FAM110A: variants seen among roughly 807,000 people sequenced by gnomAD.
FAM110A encodes the protein protein FAM110A.
Under a neutral mutation model 4.0 loss-of-function variants are expected in FAM110A, and 1 was observed. The ratio of observed to expected loss-of-function variants is 0.25; its 90% CI spans 0.09 to 1.20. The LOEUF (loss-of-function observed/expected upper bound fraction) is 1.20. Ranked by LOEUF, FAM110A falls within the 50% of genes most tolerant of loss-of-function variation. The pLI is 0.50. For missense variants in FAM110A, 436 were observed against 429.2 expected (o/e 1.02, Z -0.14); for synonymous variants, 217 against 196.8 (o/e 1.10, Z -0.86).
intron 1 of FAM110A, chr20:835,928 A>T (rs1234639499): frequency 6.6e-6 from 1 of 152,308 alleles, no homozygotes; most frequent in East Asian, 1.9e-4. Context: ...GAAGGGAAAG[A>T]AAGAAGCAGG....
In FAM110A at chr20:845,704, C is replaced by T; in HGVS notation, c.*12C>T. Reference sequence around the variant, plus strand: ...CAGCTGAAGGCTAGGCGCCACTGGGCCTGGAATTCGCCACAGGACGGATCT... The same window carrying T: ...CAGCTGAAGGCTAGGCGCCACTGGGTCTGGAATTCGCCACAGGACGGATCT... On this transcript the variant is annotated 3_prime_UTR_variant, in exon 2 of 2. Transcript: ENST00000381941. 6.2e-7 allele frequency: 1 copy of T among 1,613,726 alleles called. No homozygotes were observed. Among genetic ancestry groups the T allele is most frequent in the East Asian group, 2.2e-5 (1 of 44,870 alleles).
chr20:845,032 C>T lies in FAM110A; in HGVS notation c.228C>T (p.Leu76=). 1.3e-6 allele frequency: 2 copies of T among 1,594,916 alleles called. No individual in the cohort carries two copies. The highest frequency in any genetic ancestry group is 1.7e-6 in the Non-Finnish European group (2 of 1,171,560). The change falls in exon 2 of 2, where the codon CTC becomes CTT. Residue 76 remains leucine, a synonymous_variant. Coordinates refer to ENST00000381941, the MANE Select transcript of FAM110A (RefSeq NM_001042353.3). ...PVQPLLSKQP[L]FSPETRRTVL... is the part of the protein sequence containing the mutation. ...AGCCCCTGCTGTCCAAACAGCCGCTCTTTAGCCCTGAGACTCGCCGCACAG... is the reference window on the plus strand; with the variant it reads ...AGCCCCTGCTGTCCAAACAGCCGCTTTTTAGCCCTGAGACTCGCCGCACAG...
intron 1 of FAM110A, among the ~76,000 whole-genome samples, chr20:841,716 C>G (rs1019834915): frequency 3.9e-5 from 6 of 152,280 alleles, no homozygotes; most frequent in Admixed American, 3.3e-4. Flanking sequence ...TGGGGGCATC[C>G]GTGGGAGGCA....
rs1311219720 is a variant in FAM110A, at chr20:844,774, C to A, written c.-31C>A. Reference sequence around the variant, plus strand: ...TGGCTCCTCATCTCTCCGGTCTCCGCAGACTAAAGCCCTCGGGATATGCAG... The same window carrying A: ...TGGCTCCTCATCTCTCCGGTCTCCGAAGACTAAAGCCCTCGGGATATGCAG... On this transcript the variant is annotated 5_prime_UTR_variant, in exon 2 of 2. Coordinates refer to ENST00000381941, the MANE Select transcript of FAM110A (RefSeq NM_001042353.3). 3 of 1,415,746 alleles carry A rather than the reference C, an allele frequency of 2.1e-6. No individual in the cohort carries two copies. The highest frequency in any genetic ancestry group is 1.8e-6 in the Non-Finnish European group (2 of 1,089,924). The allele number at this position is 1,415,746 out of a possible 1,614,324, so 87.7% of individuals were successfully genotyped here.
At chr20:842,847 T>C (rs1231508031) in intron 1 of FAM110A, among the ~76,000 whole-genome samples, 1 of 152,172 alleles carries the variant, frequency 6.6e-6, no homozygotes, top group Non-Finnish European at 1.5e-5. Context: ...CCTAGATGTC[T>C]AGTTCATCCC....
chr20:845,555 C>T lies in FAM110A; in HGVS notation c.751C>T (p.Arg251Cys), dbSNP rs1294212465. 7 of 1,613,434 alleles carry T rather than the reference C, an allele frequency of 4.3e-6. No homozygotes were observed. The highest frequency in any genetic ancestry group is 1.6e-4 in the Middle Eastern group (1 of 6,082). ...PGSSEGGCSR[R>C]SSVTVEERAR... ...CAGCTCTGAAGGGGGCTGCTCCCGC[C>T]GCAGCTCGGTGACTGTTGAGGAGCG... Residue 251 changes from arginine (R) to cysteine (C), a missense_variant, in exon 2 of 2, where the codon CGC (arginine) becomes TGC (cysteine). Arg to Cys is a radical substitution (Grantham distance 180). Coordinates refer to ENST00000381941, the MANE Select transcript of FAM110A (RefSeq NM_001042353.3).
At chr20:844,027 TGGA>T (rs1980095874) in intron 1 of FAM110A, among the ~76,000 whole-genome samples, 1 of 151,950 alleles carries the variant, frequency 6.6e-6, no homozygotes, top group East Asian at 1.9e-4. Context: ...GGGGCGCGGG[TGGA>T]GATTTTCTTT....
intron 1 of FAM110A, among the ~76,000 whole-genome samples, chr20:844,474 T>C (rs928963679): frequency 7.2e-5 from 11 of 151,780 alleles, no homozygotes; most frequent in Non-Finnish European, 1.3e-4. Flanking sequence ...CTCTAGCACC[T>C]TTTTTCCTCT....
chr20:843,670 A>G lies in FAM110A; in HGVS notation c.-97-1038A>G, dbSNP rs534749609. On this transcript the variant is annotated intron_variant, in intron 1 of 1. Coordinates refer to ENST00000381941, the MANE Select transcript of FAM110A (RefSeq NM_001042353.3). ...TGGTATGTGGGTTTTCTTCTGTCCC[A>G]TCTCCAAGGGGCCTTGTGGGGTGAC... Among the ~76,000 whole-genome samples the G allele has an allele frequency of 5.3e-5, 8 of 152,206 alleles. No homozygotes were observed. The South Asian group carries it at 1.5e-3, about 28-fold the overall frequency.
In FAM110A at chr20:845,318, C is replaced by G; in HGVS notation, c.514C>G (p.Pro172Ala). 1.3e-6 allele frequency: 2 copies of G among 1,555,356 alleles called. No individual in the cohort carries two copies. The highest frequency in any genetic ancestry group is 1.7e-6 in the Non-Finnish European group (2 of 1,150,422). The change falls in exon 2 of 2, where the codon CCT becomes GCT. Residue 172 changes from proline to alanine, a missense_variant. Transcript: ENST00000381941. The part of the protein sequence containing the change: ...SPARPCPSPG[P>A]AAASSPARPP... ...TGCCCGGCCCTGCCCATCACCCGGC[C>G]CTGCCGCCGCCTCCAGCCCAGCCCG... is the stretch of plus-strand genomic sequence containing the variant.
intron 1 of FAM110A, among the ~76,000 whole-genome samples, chr20:841,569 A>C (rs1979917072): frequency 6.6e-6 from 1 of 151,590 alleles, no homozygotes; most frequent in Non-Finnish European, 1.5e-5. Flanking sequence ...ATTGAGGGAG[A>C]GCAAAAGCCA....
chr20:844,643 G>C (rs2122696610), intron 1 of FAM110A, 65 bp from the exon 2 acceptor site: 1 of 1,182,604 alleles, frequency 8.5e-7, no homozygotes, highest in Admixed American at 3.8e-5. Flanking sequence ...CCTCTCAGCC[G>C]CGGCTGAGCC....
chr20:841,331 C>G (rs6117928), intron 1 of FAM110A: 62,772 of 152,250 alleles, frequency 0.41, 14,043 homozygotes, highest in African/African-American at 0.6. Context: ...GTGCGGACCG[C>G]GGCGGGGGGC....
intron 1 of FAM110A, among the ~76,000 whole-genome samples, chr20:841,870 G>C (rs769153565): frequency 6.6e-6 from 1 of 152,356 alleles, no homozygotes; most frequent in African/African-American, 2.4e-5. Flanking sequence ...GGGCTGTTGA[G>C]GTCAGCTCAC....
In FAM110A at chr20:846,269, G is replaced by T. The variant is rs753090682; in HGVS notation, c.*577G>T. 1.3e-4 allele frequency: 22 copies of T among 165,946 alleles called. No individual in the cohort carries two copies. Among genetic ancestry groups the T allele is most frequent in the Admixed American group, 7.7e-4 (12 of 15,548 alleles). The allele number at this position is 165,946 out of a possible 1,614,324, so 10.3% of individuals were successfully genotyped here. A position where few individuals can be genotyped will look rare whatever the true frequency, so the allele number is the denominator to read the frequency against. On this transcript the variant is annotated 3_prime_UTR_variant, in exon 2 of 2. Transcript: ENST00000381941. The stretch of plus-strand genomic sequence containing the variant: ...CCTTGGTTAATAAACACAAATGCTT[G>T]TTTCTCAAGGGCTGGGCCTTCAGAC...
In FAM110A at chr20:834,845, G is replaced by A. The variant is rs1370644217; in HGVS notation, c.-98+894G>A. 6.6e-6 allele frequency among the ~76,000 whole-genome samples: 1 copy of A among 152,180 alleles called. No individual in the cohort carries two copies. Among genetic ancestry groups the A allele is most frequent in the Admixed American group, 6.5e-5 (1 of 15,278 alleles). ...ACATATCCTCTCTCCTCTGGAGCCT[G>A]CCCCTGGCTTTGGGGGACAGGATCT... On this transcript the variant is annotated intron_variant, in intron 1 of 1. Coordinates refer to ENST00000381941, the MANE Select transcript of FAM110A (RefSeq NM_001042353.3). This position sits in a 1 kb window ranked among gnomAD's most constrained non-coding sequence, Gnocchi z 5.6.
In FAM110A at chr20:840,708, G is replaced by A. The variant is rs148497852; in HGVS notation, c.-97-4000G>A. 5.3e-5 allele frequency among the ~76,000 whole-genome samples: 8 copies of A among 152,308 alleles called. No homozygotes were observed. In the East Asian group the frequency reaches 7.7e-4, roughly 15 times the overall value. On this transcript the variant is annotated intron_variant, in intron 1 of 1. Coordinates refer to ENST00000381941, the MANE Select transcript of FAM110A (RefSeq NM_001042353.3). This position sits in a 1 kb window ranked among gnomAD's most constrained non-coding sequence, Gnocchi z 4.4. Reference sequence around the variant, plus strand: ...CAGCATGGAGCACCAGGAGGGTCCCGCAGCCTGGTCAGGGACACACAGCTA... The same window carrying A: ...CAGCATGGAGCACCAGGAGGGTCCCACAGCCTGGTCAGGGACACACAGCTA...
At chr20:844,675 CTT>C (rs879111452) in intron 1 of FAM110A, 31 bp from the exon 2 acceptor site, 2,621 of 1,108,650 alleles carry the variant, frequency 2.4e-3, no homozygotes, top group South Asian at 4.1e-3. Context: ...GCGCGCTCGG[CTT>C]TTTTTTTTTT....
intron 1 of FAM110A, among the ~76,000 whole-genome samples, chr20:837,091 C>T (rs928416594): frequency 1.6e-5 from 2 of 126,454 alleles, no homozygotes; most frequent in African/African-American, 3.1e-5. Context: ...TTCGCTCTGT[C>T]GCCCAGGCTG....
Sources: gnomAD v4.1 joint callset for allele counts (sites outside exome capture counted in the v4.1 genomes callset) on GRCh38, gnomAD v4.1.1 for gene constraint, Gnocchi (gnomAD v3.1) non-coding constraint, MANE v1.5 for transcripts, NCBI Gene and HGNC (gene_info 2026-07-23, HGNC 2026-07-21) for gene names.